Variants in HECW1 observed in about 807,000 individuals in gnomAD.
The protein encoded by HECW1 is HECT, C2 and WW domain containing E3 ubiquitin protein ligase 1.
HECW1 carries 61 observed loss-of-function variants against 182.3 expected under a neutral mutation model. The ratio of observed to expected loss-of-function variants is 0.33; its 90% CI spans 0.27 to 0.41. The LOEUF is 0.41. Ranked by LOEUF, HECW1 falls within the 10% of genes least tolerant of loss-of-function variation. The pLI is 1.00. For missense variants in HECW1, 1,739 were observed against 2,108.9 expected, an observed-to-expected ratio of 0.82 and a Z score of 3.44; for synonymous variants, 859 against 832.6, an observed-to-expected ratio of 1.03 and a Z score of -0.55.
At chr7:43,523,755 A>G (rs191893318) in intron 24 of HECW1, among the ~76,000 whole-genome samples, 84 of 152,198 alleles carry the variant, frequency 5.5e-4, no homozygotes, top group Non-Finnish European at 9.6e-4. Flanking sequence ...AACCAGAGGG[A>G]GGGAGAGGCT....
At chr7:43,536,300 G>T (rs765610169) in intron 24 of HECW1, among the ~76,000 whole-genome samples, 1 of 152,232 alleles carries the variant, frequency 6.6e-6, no homozygotes, top group Non-Finnish European at 1.5e-5. Context: ...TACGGTGATG[G>T]CATGTCAGAA....
chr7:43,255,751 A>T (rs11764763), intron 3 of HECW1, among the ~76,000 whole-genome samples: 1 of 151,884 alleles, frequency 6.6e-6, no homozygotes, highest in Non-Finnish European at 1.5e-5. Context: ...TATTAACAGG[A>T]CTCCAGTTTA....
At chr7:43,489,191 T>C (rs1585067348) in intron 17 of HECW1, among the ~76,000 whole-genome samples, 1 of 152,206 alleles carries the variant, frequency 6.6e-6, no homozygotes, top group Non-Finnish European at 1.5e-5. Flanking sequence ...TCTGGCTGTT[T>C]CCCCAGTTTC....
intron 3 of HECW1, among the ~76,000 whole-genome samples, chr7:43,295,137 C>CA (rs1805876763): frequency 6.6e-6 from 1 of 151,344 alleles, no homozygotes; most frequent in Admixed American, 6.6e-5. Context: ...AACAATAGGG[C>CA]AAAAAAAGAA....
chr7:43,198,607 A>G (rs562320816), intron 2 of HECW1, among the ~76,000 whole-genome samples: 329 of 138,862 alleles, frequency 2.4e-3, no homozygotes, highest in African/African-American at 8.5e-3. Context: ...CCCCACAGTC[A>G]TACACACTCA....
intron 17 of HECW1, among the ~76,000 whole-genome samples, chr7:43,482,628 A>G (rs1471256628): frequency 6.6e-6 from 1 of 152,228 alleles, no homozygotes; most frequent in Non-Finnish European, 1.5e-5. Flanking sequence ...GTGCCTGGCC[A>G]GGCACAGTGA....
At chr7:43,256,590 A>C (rs1800601447) in intron 3 of HECW1, among the ~76,000 whole-genome samples, 1 of 151,462 alleles carries the variant, frequency 6.6e-6, no homozygotes, top group Non-Finnish European at 1.5e-5. Flanking sequence ...GCCTGGGCAA[A>C]AAGAGGGAAA....
At chr7:43,298,282 T>G (rs1470128840) in intron 3 of HECW1, among the ~76,000 whole-genome samples, 1 of 152,236 alleles carries the variant, frequency 6.6e-6, no homozygotes, top group Non-Finnish European at 1.5e-5. Context: ...AGTTATTAAA[T>G]TTTCACGCGA....
chr7:43,404,489 A>T (rs1051865913), intron 7 of HECW1, among the ~76,000 whole-genome samples: 4 of 152,166 alleles, frequency 2.6e-5, no homozygotes, highest in Admixed American at 2.0e-4. Context: ...TTATCTTTTT[A>T]AAAAAATAAG....
intron 2 of HECW1, among the ~76,000 whole-genome samples, chr7:43,121,632 T>G (rs1361563717): frequency 6.6e-6 from 1 of 152,158 alleles, no homozygotes; most frequent in Non-Finnish European, 1.5e-5. Flanking sequence ...TTTTCTGCTC[T>G]TAGACTCCCC....
At chr7:43,217,733 T>A (rs927187481) in intron 2 of HECW1, among the ~76,000 whole-genome samples, 1 of 152,238 alleles carries the variant, frequency 6.6e-6, no homozygotes, top group Non-Finnish European at 1.5e-5. Context: ...TTCTTGGCCA[T>A]GTCCTTACAC....
chr7:43,367,998 C>T (rs1659289696), intron 6 of HECW1, among the ~76,000 whole-genome samples: 1 of 152,172 alleles, frequency 6.6e-6, no homozygotes, highest in Non-Finnish European at 1.5e-5. Flanking sequence ...GCCCCTCAAC[C>T]ATGGAGGTCT....
chr7:43,221,485 G>A (rs1796939558), intron 2 of HECW1, among the ~76,000 whole-genome samples: 1 of 140,086 alleles, frequency 7.1e-6, no homozygotes, highest in Non-Finnish European at 1.5e-5. Flanking sequence ...GCTAAGCCTT[G>A]TGCACTAAGT....
chr7:43,235,415 C>T (rs1798240510), intron 2 of HECW1, among the ~76,000 whole-genome samples: 2 of 152,290 alleles, frequency 1.3e-5, no homozygotes, highest in South Asian at 2.1e-4. Flanking sequence ...GAATAAGGGA[C>T]TATTATTCTT....
At chr7:43,197,658 C>T (rs147166045) in intron 2 of HECW1, among the ~76,000 whole-genome samples, 251 of 152,260 alleles carry the variant, frequency 1.6e-3, no homozygotes, top group African/African-American at 5.7e-3. Flanking sequence ...AGACAAGGAT[C>T]AGCAGGACTC....
chr7:43,118,268 G>A (rs747944168), intron 2 of HECW1: 15 of 152,692 alleles, frequency 9.8e-5, no homozygotes, highest in Non-Finnish European at 1.9e-4. Context: ...CATGGCCAGG[G>A]ATTGTAATTC....
intron 17 of HECW1, among the ~76,000 whole-genome samples, chr7:43,483,277 C>A (rs935798865): frequency 1.3e-5 from 2 of 152,124 alleles, no homozygotes; most frequent in African/African-American, 4.8e-5. Flanking sequence ...CAGGACAATT[C>A]TCTGATGTGT....
At chr7:43,491,699 T>A (rs1453402992) in intron 17 of HECW1, among the ~76,000 whole-genome samples, 1 of 152,168 alleles carries the variant, frequency 6.6e-6, no homozygotes, top group Non-Finnish European at 1.5e-5. Context: ...TTCAAGTGAT[T>A]CTTCTGCCTC....
intron 16 of HECW1, among the ~76,000 whole-genome samples, chr7:43,477,012 G>T (rs977422871): frequency 2.0e-5 from 3 of 152,032 alleles, no homozygotes; most frequent in Non-Finnish European, 2.9e-5. Flanking sequence ...TTAACATCCC[G>T]ACAACAATAG....
Sources: gnomAD v4.1 joint callset for allele counts (sites outside exome capture counted in the v4.1 genomes callset) on GRCh38, gnomAD v4.1.1 for gene constraint, MANE v1.5 for transcripts, NCBI Gene and HGNC (gene_info 2026-07-23, HGNC 2026-07-21) for gene names.